ANO5: variants seen among roughly 807,000 people sequenced by gnomAD.
ANO5 encodes the protein anoctamin-5.
Under a neutral mutation model 121.0 loss-of-function variants are expected in ANO5, and 109 were observed. The ratio of observed to expected loss-of-function variants is 0.90; its 90% CI spans 0.77 to 1.06. The LOEUF (loss-of-function observed/expected upper bound fraction) is 1.06. Ranked by LOEUF, ANO5 falls within the 50% of genes least tolerant of loss-of-function variation. ANO5 has a pLI of 0.00. For synonymous variants in ANO5, 406 were observed against 359.9 expected, an observed-to-expected ratio of 1.13 and a Z score of -1.45; for missense variants, 1,064 against 1,078.5, an observed-to-expected ratio of 0.99 and a Z score of 0.19.
At chr11:22,200,308 T>C (rs918424994) in intron 1 of ANO5, among the ~76,000 whole-genome samples, 5 of 152,194 alleles carry the variant, frequency 3.3e-5, no homozygotes, top group Non-Finnish European at 7.4e-5. Flanking sequence ...TAGTCAGGTC[T>C]GTATGACTCT....
At position 22,272,924 on chromosome 11, in the gene ANO5, G is replaced by A; in HGVS notation, c.2170G>A (p.Ala724Thr). Reference sequence around the variant, plus strand: ...ATACAGGAGAACTGTAGCTTCTAAAGCTCATAGCATAGGTGTTTGGCAAGA... The same window carrying A: ...ATACAGGAGAACTGTAGCTTCTAAAACTCATAGCATAGGTGTTTGGCAAGA... The part of the protein sequence containing the change: ...TQYRRTVASK[A>T]HSIGVWQDIL... Residue 724 changes from alanine (A) to threonine (T), a missense_variant, in exon 19 of 22, where the codon GCT becomes ACT. Physicochemically the swap from Ala to Thr is moderately conservative, Grantham distance 58. Coordinates refer to ENST00000324559, the MANE Select transcript of ANO5 (RefSeq NM_213599.3). 2 of 1,614,040 alleles carry A rather than the reference G, an allele frequency of 1.2e-6. No individual in the cohort carries two copies. The highest frequency in any genetic ancestry group is 1.7e-6 in the Non-Finnish European group (2 of 1,180,000).
chr11:22,257,723 A>G lies in ANO5; in HGVS notation c.1376A>G (p.Tyr459Cys). Residue 459 changes from tyrosine (Y) to cysteine (C), a missense_variant, in exon 14 of 22, where the codon TAC becomes TGC. Physicochemically the swap from Tyr to Cys is radical, Grantham distance 194. Transcript: ENST00000324559. ...CCTCTATACACGCGTATTCCATGGTACTTTCTTTCAGGAGCCACAGTGACA... is the reference window on the plus strand; with the variant it reads ...CCTCTATACACGCGTATTCCATGGTGCTTTCTTTCAGGAGCCACAGTGACA... Reference protein sequence around the residue: ...YMPLYTRIPWYFLSGATVTLW... With the variant: ...YMPLYTRIPWCFLSGATVTLW... 1 of 1,612,782 alleles carries G rather than the reference A, an allele frequency of 6.2e-7. No individual in the cohort carries two copies. Among genetic ancestry groups the G allele is most frequent in the East Asian group, 2.2e-5 (1 of 44,828 alleles).
Position 22,280,163 on chromosome 11 carries a change from T to C in ANO5, c.*398T>C. On this transcript the variant is annotated 3_prime_UTR_variant, in exon 22 of 22. Transcript: ENST00000324559. ...GGGTTATTTGATACCTCCTTCCCCATTAAGAAAAATGTTGGGGCAAAAAGA... is the reference window on the plus strand; with the variant it reads ...GGGTTATTTGATACCTCCTTCCCCACTAAGAAAAATGTTGGGGCAAAAAGA... 1 of 183,066 alleles carries C rather than the reference T, an allele frequency of 5.5e-6. No homozygotes were observed. The allele number at this position is 183,066 out of a possible 1,614,324, so 11.3% of individuals were successfully genotyped here.
intron 2 of ANO5, among the ~76,000 whole-genome samples, chr11:22,210,641 G>A (rs1437363277): frequency 2.0e-5 from 3 of 151,892 alleles, no homozygotes; most frequent in East Asian, 3.9e-4. Flanking sequence ...GGACCATCGT[G>A]TAACCTAAGG....
chr11:22,223,063 T>C (rs1244615320), intron 5 of ANO5, among the ~76,000 whole-genome samples: 2 of 152,030 alleles, frequency 1.3e-5, no homozygotes, highest in African/African-American at 4.8e-5. Flanking sequence ...GCTATCTTAC[T>C]TTCTGTTACC....
chr11:22,273,487 G>C (rs2133790709), intron 19 of ANO5, among the ~76,000 whole-genome samples: 1 of 152,146 alleles, frequency 6.6e-6, no homozygotes, highest in Middle Eastern at 3.4e-3. Context: ...CATCCTATAA[G>C]AGAAAACAGA....
At chr11:22,247,094 A>G (rs1433969620) in intron 9 of ANO5, among the ~76,000 whole-genome samples, 1 of 152,108 alleles carries the variant, frequency 6.6e-6, no homozygotes, top group African/African-American at 2.4e-5. Flanking sequence ...ACAGAGGGAA[A>G]AGCACCTATC....
intron 3 of ANO5, among the ~76,000 whole-genome samples, chr11:22,217,131 C>T (rs1017073140): frequency 2.0e-5 from 3 of 151,926 alleles, no homozygotes; most frequent in African/African-American, 7.2e-5. Context: ...GTTTACAGGG[C>T]AGGAATTTTC....
At chr11:22,277,209 AG>A (rs761744006) in intron 21 of ANO5, among the ~76,000 whole-genome samples, 21 of 151,612 alleles carry the variant, frequency 1.4e-4, no homozygotes, top group Non-Finnish European at 2.1e-4. Flanking sequence ...AGAAAGAGAG[AG>A]GGGGAAAAAA....
chr11:22,276,168 C>G lies in ANO5; in HGVS notation c.2489C>G (p.Ala830Gly), dbSNP rs766853141. ...AATATGCAATTCTGGCATGTCCTTG[C>G]TGCCAAGATGACCTTCATCATTGTT... is the stretch of plus-strand genomic sequence containing the variant. ...FHNMQFWHVLAAKMTFIIVME... is the reference protein window; with the variant it reads ...FHNMQFWHVLGAKMTFIIVME... Residue 830 changes from alanine to glycine, a missense_variant, in exon 21 of 22, where the codon GCT becomes GGT. Transcript: ENST00000324559. The G allele has an allele frequency of 1.2e-6, 2 of 1,610,902 alleles. No individual in the cohort carries two copies. Among genetic ancestry groups the G allele is most frequent in the Non-Finnish European group, 1.7e-6 (2 of 1,177,790 alleles).
intron 19 of ANO5, 26 bp downstream of exon 19, chr11:22,273,015 G>A: frequency 6.3e-7 from 1 of 1,599,838 alleles, no homozygotes; most frequent in Non-Finnish European, 8.6e-7. Flanking sequence ...TCGGTGGGGT[G>A]ACTTTGTATT....
At chr11:22,265,365 T>G (rs2133758377) in intron 17 of ANO5, among the ~76,000 whole-genome samples, 1 of 152,246 alleles carries the variant, frequency 6.6e-6, no homozygotes, top group South Asian at 2.1e-4. Flanking sequence ...TAACTATTAT[T>G]TAAAGTGCTG....
At position 22,241,117 on chromosome 11, in the gene ANO5, C is replaced by T. The variant is rs116558195; in HGVS notation, c.878+1433C>T. On this transcript the variant is annotated intron_variant, in intron 9 of 21. Transcript: ENST00000324559. ...CGATGCTGAGGTTTGGGGTGCAGAT[C>T]CTGCCACCCAAGTAGTGAGCATAGT... Among the ~76,000 whole-genome samples, 246 of 151,576 alleles carry T rather than the reference C, an allele frequency of 1.6e-3. 2 individuals are homozygous for T. Among genetic ancestry groups the T allele is most frequent in the African/African-American group, 5.7e-3 (234 of 41,326 alleles).
At chr11:22,211,999 T>C (rs1187948577) in intron 3 of ANO5, among the ~76,000 whole-genome samples, 1 of 151,392 alleles carries the variant, frequency 6.6e-6, no homozygotes, top group Non-Finnish European at 1.5e-5. Flanking sequence ...TTTTTACTTT[T>C]TTTTTTTTAC....
At chr11:22,216,766 C>T (rs1398820265) in intron 3 of ANO5, among the ~76,000 whole-genome samples, 1 of 151,542 alleles carries the variant, frequency 6.6e-6, no homozygotes, top group Non-Finnish European at 1.5e-5. Flanking sequence ...TTGCCTACAC[C>T]AAAGTAGGGG....
chr11:22,279,631 T>C lies in ANO5; in HGVS notation c.2608T>C (p.Leu870=), dbSNP rs889008683. 1 of 1,612,944 alleles carries C rather than the reference T, an allele frequency of 6.2e-7. No individual in the cohort carries two copies. The highest frequency in any genetic ancestry group is 8.5e-7 in the Non-Finnish European group (1 of 1,179,158). ...DVVERIKREK[L]MTIKILHDFE... is the part of the protein sequence containing the mutation. ...TGTGGAGAGAATCAAGAGAGAAAAG[T>C]TAATGACTATCAAGATTCTCCATGA... Residue 870 remains leucine, a synonymous_variant, in exon 22 of 22, where the codon TTA becomes CTA. Coordinates refer to ENST00000324559, the MANE Select transcript of ANO5 (RefSeq NM_213599.3).
At chr11:22,277,868 C>A (rs1035748692) in intron 21 of ANO5, 1 of 150,628 alleles carries the variant, frequency 6.6e-6, no homozygotes, top group Non-Finnish European at 1.5e-5. Context: ...ATGTTTCTCC[C>A]ATTTTTGGTT....
Position 22,193,184 on chromosome 11 carries a change from C to G in ANO5, c.-309C>G. 3 of 1,253,076 alleles carry G rather than the reference C, an allele frequency of 2.4e-6. No homozygotes were observed. The highest frequency in any genetic ancestry group is 3.0e-6 in the Non-Finnish European group (3 of 984,150). The allele number at this position is 1,253,076 out of a possible 1,614,324, so 77.6% of individuals were successfully genotyped here. On this transcript the variant is annotated 5_prime_UTR_variant, in exon 1 of 22. Coordinates refer to ENST00000324559, the MANE Select transcript of ANO5 (RefSeq NM_213599.3). ...CCTGGAGAAGTACTGGGAGAGCGCC[C>G]AGGAGCGCTACCGGCTGAGGGTGGG...
intron 17 of ANO5, among the ~76,000 whole-genome samples, chr11:22,267,508 T>TTTTA (rs1554932860): frequency 0.011 from 1,385 of 126,092 alleles, 43 homozygotes; most frequent in African/African-American, 0.06. Context: ...ATATCTACAA[T>TTTTA]TATATATATA....
Sources: allele counts gnomAD v4.1 joint callset (sites outside exome capture counted in the v4.1 genomes callset), GRCh38; gene constraint gnomAD v4.1.1; transcripts MANE v1.5; gene names NCBI Gene and HGNC (gene_info 2026-07-23, HGNC 2026-07-21).